Variants in OTUD7A observed in about 807,000 individuals in gnomAD.
OTUD7A encodes OTU deubiquitinase 7A, also known as OTU domain-containing protein 7A.
In OTUD7A, 12 loss-of-function variants were observed where a neutral mutation model predicts 65.7. The observed-to-expected ratio is 0.18, with a 90% CI of 0.12 to 0.30. The LOEUF (loss-of-function observed/expected upper bound fraction) is 0.30, where lower values mean the gene tolerates loss of function less well. OTUD7A is among the 10% of genes least tolerant of loss of function. The pLI is 1.00. For missense variants in OTUD7A, 1,148 were observed against 1,304.8 expected (o/e 0.88, Z 1.85); for synonymous variants, 641 against 586.3 (o/e 1.09, Z -1.35).
At chr15:31,702,367 C>T (rs923516961) in intron 1 of OTUD7A, among the ~76,000 whole-genome samples, 1 of 143,584 alleles carries the variant, frequency 7.0e-6, no homozygotes, top group Admixed American at 6.9e-5. Context: ...ATGCAGAAAA[C>T]CTCAAGGACT....
intron 1 of OTUD7A, among the ~76,000 whole-genome samples, chr15:31,725,037 G>A (rs1456170615): frequency 1.3e-5 from 2 of 152,300 alleles, no homozygotes; most frequent in African/African-American, 4.8e-5. Flanking sequence ...GAGGGATCGG[G>A]AGCCTCATGT....
chr15:31,573,198 G>A (rs1404403915), intron 3 of OTUD7A, among the ~76,000 whole-genome samples: 1 of 152,190 alleles, frequency 6.6e-6, no homozygotes, highest in Admixed American at 6.5e-5. Flanking sequence ...AGACAATAGG[G>A]CCACATCTAC....
chr15:31,517,787 T>C (rs1407135567), intron 8 of OTUD7A, among the ~76,000 whole-genome samples: 1 of 152,188 alleles, frequency 6.6e-6, no homozygotes, highest in Non-Finnish European at 1.5e-5. Flanking sequence ...GCAAAGGTCA[T>C]GGAGCAAGGT....
rs772539023 is a variant in OTUD7A at position 31,484,038 on chromosome 15, C to G, written c.2058G>C (p.Ala686=). 1 of 1,248,854 alleles carries G rather than the reference C, an allele frequency of 8.0e-7. No homozygotes were observed. 77.4% of individuals were successfully genotyped at this position (1,248,854 alleles called of 1,614,324 possible). Residue 686 remains alanine (A), a synonymous_variant, in exon 13 of 13, where the codon GCG becomes GCC. Transcript: ENST00000307050. This position sits in a 1 kb window ranked among gnomAD's most constrained non-coding sequence, Gnocchi z 4.5. The part of the protein sequence containing the change: ...QEQRRRDAAT[A]AAAAAAAAAA... ...CGGCGGCGGCGGCGGCAGCGGCGGC[C>G]GCAGTAGCGGCGTCGCGGCGCCGCT...
chr15:31,483,719 G>A lies in OTUD7A; in HGVS notation c.2377C>T (p.Pro793Ser). The stretch of plus-strand genomic sequence containing the variant: ...CACGGCCGCAGCGCCCCCACGGCCG[G>A]CGCGCACGCCTCGTCCCGCGCGCCC... ...ASGARDEACA[P>S]AVGALRPCAT... Residue 793 changes from proline (P) to serine (S), a missense_variant, in exon 13 of 13, where the codon CCG (proline) becomes TCG (serine). Around this residue, in one of 6 missense-constraint regions of OTUD7A, gnomAD observed 842 missense variants for 769.5 expected, o/e 1.09. Coordinates refer to ENST00000307050, the MANE Select transcript of OTUD7A (RefSeq NM_001382637.1). 2.6e-6 allele frequency: 3 copies of A among 1,136,546 alleles called. No individual in the cohort carries two copies. The highest frequency in any genetic ancestry group is 3.2e-6 in the Non-Finnish European group (3 of 929,052). The allele number at this position is 1,136,546 out of a possible 1,614,324, so 70.4% of individuals were successfully genotyped here. A position where few individuals can be genotyped will look rare whatever the true frequency, so the allele number is the denominator to read the frequency against.
At chr15:31,627,095 T>G (rs1212658280) in intron 3 of OTUD7A, among the ~76,000 whole-genome samples, 1 of 151,998 alleles carries the variant, frequency 6.6e-6, no homozygotes, top group Non-Finnish European at 1.5e-5. Flanking sequence ...CTTCTTTTAT[T>G]ATTATTATTA....
intron 3 of OTUD7A, among the ~76,000 whole-genome samples, chr15:31,648,022 C>G (rs1456711586): frequency 6.6e-6 from 1 of 151,928 alleles, no homozygotes; most frequent in African/African-American, 2.4e-5. Context: ...GGCTGGAGTA[C>G]CAGGTGGAGA....
intron 8 of OTUD7A, among the ~76,000 whole-genome samples, chr15:31,508,583 A>T (rs1416719049): frequency 6.6e-5 from 10 of 152,158 alleles, no homozygotes; most frequent in African/African-American, 2.2e-4. Flanking sequence ...TGATCTCCTG[A>T]CCTCATGATC....
intron 5 of OTUD7A, among the ~76,000 whole-genome samples, chr15:31,554,118 G>A (rs1026675200): frequency 1.3e-5 from 2 of 152,110 alleles, no homozygotes; most frequent in African/African-American, 2.4e-5. Context: ...AGCCAGGCCC[G>A]CAGGTGTCTG....
chr15:31,709,305 A>G (rs1893379036), intron 1 of OTUD7A, among the ~76,000 whole-genome samples: 1 of 152,230 alleles, frequency 6.6e-6, no homozygotes, highest in South Asian at 2.1e-4. Context: ...CTCACAGGAA[A>G]GGGCAGGAAC....
chr15:31,814,359 C>G (rs150381795), intron 1 of OTUD7A, among the ~76,000 whole-genome samples: 1 of 152,172 alleles, frequency 6.6e-6, no homozygotes, highest in Non-Finnish European at 1.5e-5. Context: ...TCAGCCCAGC[C>G]GAGTGCCCTG....
intron 3 of OTUD7A, among the ~76,000 whole-genome samples, chr15:31,644,384 G>A (rs565400832): frequency 1.2e-4 from 19 of 152,082 alleles, no homozygotes; most frequent in African/African-American, 4.6e-4. Flanking sequence ...GTGAGATCAA[G>A]AACTTTGGAT....
At chr15:31,763,583 C>T (rs1234246940) in intron 1 of OTUD7A, among the ~76,000 whole-genome samples, 2 of 151,828 alleles carry the variant, frequency 1.3e-5, no homozygotes, top group Non-Finnish European at 2.9e-5. Flanking sequence ...CACCAAAGTC[C>T]CAAGAAAGGA....
intron 1 of OTUD7A, among the ~76,000 whole-genome samples, chr15:31,731,604 G>C (rs1250883625): frequency 6.6e-6 from 1 of 152,202 alleles, no homozygotes; most frequent in Non-Finnish European, 1.5e-5. Flanking sequence ...AAACTACTCT[G>C]TATGATACCA....
At chr15:31,499,183 C>G (rs1318355685) in intron 10 of OTUD7A, among the ~76,000 whole-genome samples, 2 of 152,190 alleles carry the variant, frequency 1.3e-5, no homozygotes, top group Admixed American at 6.5e-5. Context: ...GCCTGAAATA[C>G]ATTTTTTATC....
chr15:31,516,677 C>T (rs1403208467), intron 8 of OTUD7A, among the ~76,000 whole-genome samples: 1 of 152,230 alleles, frequency 6.6e-6, no homozygotes, highest in Non-Finnish European at 1.5e-5. Context: ...CTCTGCCTAG[C>T]AGACTGGGCT....
At chr15:31,612,900 T>G (rs554644095) in intron 3 of OTUD7A, among the ~76,000 whole-genome samples, 1 of 152,106 alleles carries the variant, frequency 6.6e-6, no homozygotes, top group Non-Finnish European at 1.5e-5. Flanking sequence ...AACTATACTT[T>G]AAGGCCATAG....
intron 3 of OTUD7A, among the ~76,000 whole-genome samples, chr15:31,635,196 C>T (rs1262551645): frequency 2.0e-5 from 3 of 152,164 alleles, no homozygotes; most frequent in Non-Finnish European, 2.9e-5. Flanking sequence ...GCTAGTCCTT[C>T]CCTATCTAGA....
chr15:31,524,067 G>A (rs2041975181), intron 8 of OTUD7A, among the ~76,000 whole-genome samples: 1 of 152,150 alleles, frequency 6.6e-6, no homozygotes, highest in Non-Finnish European at 1.5e-5. Context: ...AACCCAAGGA[G>A]GCATCTGGCT....
Sources: allele counts gnomAD v4.1 joint callset (sites outside exome capture counted in the v4.1 genomes callset), GRCh38; gene constraint gnomAD v4.1.1; regional missense constraint gnomAD v4.1.1; non-coding constraint Gnocchi (gnomAD v3.1); transcripts MANE v1.5; gene names NCBI Gene and HGNC (gene_info 2026-07-23, HGNC 2026-07-21).